The following ITPR2 variants were observed in gnomAD, a reference collection of about 807,000 sequenced individuals.
ITPR2 encodes the protein inositol 1,4,5-trisphosphate receptor type 2.
A neutral mutation model predicts 317.1 loss-of-function variants in ITPR2; 207 were observed. That is an observed-to-expected ratio of 0.65 (90% confidence interval 0.58 to 0.73). The LOEUF is 0.73. ITPR2 is among the 30% of genes least tolerant of loss of function. The pLI is 0.00. For missense variants in ITPR2, 2,613 were observed against 3,284.0 expected, an observed-to-expected ratio of 0.80 and a Z score of 4.99; for synonymous variants, 1,156 against 1,149.1, an observed-to-expected ratio of 1.01 and a Z score of -0.12.
At chr12:26,471,395 A>AG (rs764198815) in intron 45 of ITPR2, among the ~76,000 whole-genome samples, 2 of 152,242 alleles carry the variant, frequency 1.3e-5, no homozygotes. Context: ...AGCAAAGCAG[A>AG]GAGATGGGGC....
At chr12:26,358,682 A>C (rs1045608709) in intron 55 of ITPR2, among the ~76,000 whole-genome samples, 3 of 151,916 alleles carry the variant, frequency 2.0e-5, no homozygotes, top group African/African-American at 7.3e-5. Flanking sequence ...CAAAAAAAAA[A>C]GGCACTGATA....
At position 26,686,636 on chromosome 12, in the gene ITPR2, T is replaced by C. The variant is rs955287225; in HGVS notation, c.997-4A>G. On this transcript the variant is annotated splice_polypyrimidine_tract_variant and splice_region_variant and intron_variant, in intron 10 of 56. Coordinates refer to ENST00000381340, the MANE Select transcript of ITPR2 (RefSeq NM_002223.4). ...AAGTTGGAGGGACTCCATCTCTCTG[T>C]TGAGGAAGTACAAGTTTATTTACTT... 1 of 1,601,036 alleles carries C rather than the reference T, an allele frequency of 6.2e-7. No individual in the cohort carries two copies.
chr12:26,711,027 T>G (rs1342422580), intron 9 of ITPR2, 146 bp downstream of exon 9: 1 of 574,570 alleles, frequency 1.7e-6, no homozygotes, highest in Non-Finnish European at 3.1e-6. Context: ...TAAAAATAAT[T>G]TATATGCCAA....
chr12:26,539,599 T>C (rs531804395), intron 37 of ITPR2, among the ~76,000 whole-genome samples: 17 of 152,344 alleles, frequency 1.1e-4, no homozygotes, highest in African/African-American at 3.8e-4. Context: ...GGTCATCATC[T>C]GCTCCAATCC....
intron 2 of ITPR2, among the ~76,000 whole-genome samples, chr12:26,753,324 T>C (rs1949460091): frequency 6.6e-6 from 1 of 152,220 alleles, no homozygotes; most frequent in Non-Finnish European, 1.5e-5. Context: ...ACTGCTATTC[T>C]GTTTGGAATA....
intron 32 of ITPR2, among the ~76,000 whole-genome samples, chr12:26,591,771 G>A (rs1945714391): frequency 6.6e-6 from 1 of 151,842 alleles, no homozygotes; most frequent in African/African-American, 2.4e-5. Flanking sequence ...CGGAGGCAGA[G>A]GTTGCAGTGA....
intron 9 of ITPR2, among the ~76,000 whole-genome samples, chr12:26,701,582 G>A (rs763129751): frequency 6.6e-6 from 1 of 152,108 alleles, no homozygotes; most frequent in Non-Finnish European, 1.5e-5. Context: ...CTGTATGTTA[G>A]TCTGCTGTAT....
At chr12:26,514,409 A>G (rs182053825) in intron 37 of ITPR2, among the ~76,000 whole-genome samples, 23 of 152,364 alleles carry the variant, frequency 1.5e-4, no homozygotes, top group Non-Finnish European at 3.2e-4. Flanking sequence ...AAAGAAATCC[A>G]TACAAAAAGA....
chr12:26,541,935 A>G (rs1484604468), intron 37 of ITPR2, among the ~76,000 whole-genome samples: 1 of 152,208 alleles, frequency 6.6e-6, no homozygotes, highest in African/African-American at 2.4e-5. Context: ...TCATTTCTTA[A>G]AGATCTTTAT....
chr12:26,515,249 C>G (rs1943455275), intron 37 of ITPR2, among the ~76,000 whole-genome samples: 1 of 152,144 alleles, frequency 6.6e-6, no homozygotes, highest in Non-Finnish European at 1.5e-5. Flanking sequence ...GCACCAAATT[C>G]TAATACTAAA....
intron 9 of ITPR2, among the ~76,000 whole-genome samples, chr12:26,701,938 T>C (rs907379120): frequency 9.9e-5 from 15 of 152,200 alleles, no homozygotes; most frequent in African/African-American, 9.6e-5. Context: ...CATCAAAAGT[T>C]TTTGCTTTAG....
At chr12:26,692,830 C>A (rs2136984390) in intron 10 of ITPR2, among the ~76,000 whole-genome samples, 1 of 152,150 alleles carries the variant, frequency 6.6e-6, no homozygotes, top group South Asian at 2.1e-4. Flanking sequence ...TAGACAACGT[C>A]AGGAAAACTA....
intron 1 of ITPR2, among the ~76,000 whole-genome samples, chr12:26,803,026 A>C (rs554612513): frequency 3.0e-4 from 46 of 152,338 alleles, no homozygotes; most frequent in Non-Finnish European, 5.4e-4. Flanking sequence ...TTTTCAGATT[A>C]TATGGTTTTC....
intron 2 of ITPR2, among the ~76,000 whole-genome samples, chr12:26,771,371 G>A (rs1190443427): frequency 6.6e-6 from 1 of 152,124 alleles, no homozygotes; most frequent in African/African-American, 2.4e-5. Context: ...AACAACCTTG[G>A]AAGCCACGTG....
intron 30 of ITPR2, 100 bp from the exon 31 acceptor site, chr12:26,597,234 T>C: frequency 7.9e-7 from 1 of 1,258,182 alleles, no homozygotes; most frequent in African/African-American, 1.5e-5. Flanking sequence ...TATCTCTTCG[T>C]AAAAACATAT....
chr12:26,536,467 A>C (rs1944093902), intron 37 of ITPR2, among the ~76,000 whole-genome samples: 1 of 152,222 alleles, frequency 6.6e-6, no homozygotes, highest in Non-Finnish European at 1.5e-5. Context: ...GGGCAAGCTG[A>C]AGAACCGGGA....
At chr12:26,592,937 T>C (rs146877832) in intron 32 of ITPR2, among the ~76,000 whole-genome samples, 109 of 152,360 alleles carry the variant, frequency 7.2e-4, no homozygotes, top group African/African-American at 2.5e-3. Flanking sequence ...GATGCTAATA[T>C]GTGCTAAGAA....
At chr12:26,493,097 A>G (rs1188454830) in intron 39 of ITPR2, among the ~76,000 whole-genome samples, 1 of 152,128 alleles carries the variant, frequency 6.6e-6, no homozygotes, top group Non-Finnish European at 1.5e-5. Flanking sequence ...CCTTCCTCAA[A>G]TTCCCTCAGA....
intron 37 of ITPR2, among the ~76,000 whole-genome samples, chr12:26,540,863 T>G (rs1388211747): frequency 6.6e-6 from 1 of 152,140 alleles, no homozygotes; most frequent in Non-Finnish European, 1.5e-5. Flanking sequence ...CTTTAATGGT[T>G]GAAAGTATTT....
Sources: gnomAD v4.1 joint callset for allele counts (sites outside exome capture counted in the v4.1 genomes callset) on GRCh38, gnomAD v4.1.1 for gene constraint, MANE v1.5 for transcripts, NCBI Gene and HGNC (gene_info 2026-07-23, HGNC 2026-07-21) for gene names.